PODNL1: variants seen among roughly 807,000 people sequenced by gnomAD.
PODNL1 encodes podocan-like protein 1.
A neutral mutation model predicts 45.1 loss-of-function variants in PODNL1; 50 were observed. That is an observed-to-expected ratio of 1.11 (90% confidence interval 0.88 to 1.40). The LOEUF (loss-of-function observed/expected upper bound fraction) is 1.40. Ranked by LOEUF, PODNL1 falls within the 40% of genes most tolerant of loss-of-function variation. The probability of loss-of-function intolerance (pLI) is 0.00; values close to 1 mark genes in which losing one functional copy is unlikely to be tolerated. For missense variants in PODNL1, 788 were observed against 793.3 expected (o/e 0.99, Z 0.08); for synonymous variants, 406 against 372.5 (o/e 1.09, Z -1.04).
At position 13,934,329 on chromosome 19, in the gene PODNL1, G is replaced by A. The variant is rs1240828725; in HGVS notation, c.576C>T (p.Thr192=). ...TGAGCTGGTTGTTGGAGAGGCTGAG[G>A]GTGGCGATGGCCTCGGAGCCGCGGA... is the stretch of plus-strand genomic sequence containing the variant. The part of the protein sequence containing the change: ...DAFRGSEAIA[T]LSLSNNQLSY... The change falls in exon 6 of 10, where the codon ACC becomes ACT. Residue 192 remains threonine (T), a synonymous_variant. Transcript: ENST00000588872. The A allele has an allele frequency of 4.5e-6, 7 of 1,557,524 alleles. No homozygotes were observed. Among genetic ancestry groups the A allele is most frequent in the Non-Finnish European group, 6.1e-6 (7 of 1,156,114 alleles).
chr19:13,946,686 G>A (rs992142359), intron 1 of PODNL1, among the ~76,000 whole-genome samples: 4 of 152,110 alleles, frequency 2.6e-5, no homozygotes, highest in Admixed American at 2.6e-4. Context: ...AAATGCACCT[G>A]TATAGTTGGG....
chr19:13,933,351 C>T lies in PODNL1; in HGVS notation c.872G>A (p.Arg291His), dbSNP rs763293497. The change falls in exon 8 of 10, where the codon CGC (arginine) becomes CAC (histidine). Residue 291 changes from arginine (R) to histidine (H), a missense_variant. Around this residue, in one of 3 missense-constraint regions of PODNL1, gnomAD observed 762 missense variants for 750.9 expected, o/e 1.01. Transcript: ENST00000588872. The surrounding 1 kb of genome is among the most constrained non-coding windows in gnomAD (Gnocchi z 5.2). ...CCGAGCCGCCTCCACCTGCCGGATGCGGTTGCGGCCCAGGTGCAGGATAGC... is the reference window on the plus strand; with the variant it reads ...CCGAGCCGCCTCCACCTGCCGGATGTGGTTGCGGCCCAGGTGCAGGATAGC... The part of the protein sequence containing the change: ...TLAILHLGRN[R>H]IRQVEAARLH... 5.0e-6 allele frequency: 8 copies of T among 1,606,572 alleles called. No individual in the cohort carries two copies. The highest frequency in any genetic ancestry group is 2.2e-5 in the East Asian group (1 of 44,844).
At chr19:13,951,852 C>T (rs1170921201) in intron 1 of PODNL1, among the ~76,000 whole-genome samples, 1 of 152,190 alleles carries the variant, frequency 6.6e-6, no homozygotes, top group Non-Finnish European at 1.5e-5. Flanking sequence ...TTGCTATGAT[C>T]TGCATAATTG....
chr19:13,938,415 C>A lies in PODNL1; in HGVS notation c.-234G>T. 7.5e-7 allele frequency: 1 copy of A among 1,330,808 alleles called. No homozygotes were observed. The allele number at this position is 1,330,808 out of a possible 1,614,324, so 82.4% of individuals were successfully genotyped here. ...GGATGGGGTGGTGAGGACAGGCCAG[C>A]CCGTCCCCTTGGTCCCCCCCAACAA... On this transcript the variant is annotated 5_prime_UTR_variant, in exon 1 of 10. Transcript: ENST00000588872.
chr19:13,942,299 G>T (rs552745015), upstream of PODNL1, among the ~76,000 whole-genome samples: 15 of 152,200 alleles, frequency 9.9e-5, no homozygotes, highest in Admixed American at 2.6e-4. Flanking sequence ...AACTCTACTT[G>T]CAGGCTTCTG....
At chr19:13,945,148 G>A (rs1433861876) in intron 1 of PODNL1, among the ~76,000 whole-genome samples, 1 of 152,048 alleles carries the variant, frequency 6.6e-6, no homozygotes, top group Non-Finnish European at 1.5e-5. Flanking sequence ...CCAGGCTCAA[G>A]CAATACTCCT....
At chr19:13,950,100 C>T (rs993691124) in intron 1 of PODNL1, among the ~76,000 whole-genome samples, 3 of 151,580 alleles carry the variant, frequency 2.0e-5, no homozygotes, top group Admixed American at 6.6e-5. Flanking sequence ...AGTCTCATGA[C>T]CTTGTGATCT....
chr19:13,947,826 G>A (rs1972872333), intron 1 of PODNL1, among the ~76,000 whole-genome samples: 1 of 152,132 alleles, frequency 6.6e-6, no homozygotes, highest in East Asian at 1.9e-4. Flanking sequence ...CATCGGCTCT[G>A]ACTATGGCCA....
Position 13,938,245 on chromosome 19 carries a change from C to T in PODNL1, c.-64G>A, listed in dbSNP as rs535885760. On this transcript the variant is annotated 5_prime_UTR_variant, in exon 1 of 10. Coordinates refer to ENST00000588872, the MANE Select transcript of PODNL1 (RefSeq NM_001370095.3). ...CCAGGACTTCCTAATGGAAACCAGG[C>T]GGTCACCTCCTGGAGCCTCTGCTGT... 1.1e-5 allele frequency: 18 copies of T among 1,582,872 alleles called. No homozygotes were observed. Among genetic ancestry groups the T allele is most frequent in the Middle Eastern group, 1.7e-4 (1 of 5,966 alleles).
chr19:13,946,305 C>T (rs1231022448), intron 1 of PODNL1, among the ~76,000 whole-genome samples: 3 of 151,564 alleles, frequency 2.0e-5, no homozygotes, highest in African/African-American at 4.8e-5. Context: ...GGTGGGTACC[C>T]GTAATCCCAG....
upstream of PODNL1, among the ~76,000 whole-genome samples, chr19:13,938,957 A>G (rs1034766353): frequency 6.6e-6 from 1 of 152,142 alleles, no homozygotes; most frequent in African/African-American, 2.4e-5. Flanking sequence ...TGTAAGGATT[A>G]TACGAAGTGT....
Position 13,934,293 on chromosome 19 carries a change from C to T in PODNL1, c.612G>A (p.Pro204=), listed in dbSNP as rs771704870. ...GCTCGAGTGAGGGCGGCAGGCTGGG[C>T]GGCAGGTAGCTGAGCTGGTTGTTGG... The part of the protein sequence containing the change: ...SLSNNQLSYL[P]PSLPPSLERL... The change falls in exon 6 of 10, where the codon CCG becomes CCA. Residue 204 remains proline (P), a synonymous_variant. Coordinates refer to ENST00000588872, the MANE Select transcript of PODNL1 (RefSeq NM_001370095.3). The T allele has an allele frequency of 1.5e-5, 23 of 1,534,680 alleles. No individual in the cohort carries two copies. The highest frequency in any genetic ancestry group is 7.7e-5 in the South Asian group (6 of 78,276).
intron 3 of PODNL1, 113 bp downstream of exon 3, chr19:13,936,254 G>A (rs1364935152): frequency 8.6e-7 from 1 of 1,161,970 alleles, no homozygotes; most frequent in Non-Finnish European, 1.3e-6. Flanking sequence ...GCAAAGGGCA[G>A]TTCTGGGAAC....
At position 13,932,889 on chromosome 19, in the gene PODNL1, A is replaced by C; in HGVS notation, c.1334T>G (p.Leu445Arg). 6.2e-7 allele frequency: 1 copy of C among 1,604,842 alleles called. No individual in the cohort carries two copies. Among genetic ancestry groups the C allele is most frequent in the Non-Finnish European group, 8.5e-7 (1 of 1,176,394 alleles). Residue 445 changes from leucine (L) to arginine (R), a missense_variant, in exon 8 of 10, where the codon CTG becomes CGG. Coordinates refer to ENST00000588872, the MANE Select transcript of PODNL1 (RefSeq NM_001370095.3). ...CAGGCTGAGCTCCCGCAGTTGGTCC[A>C]GGCCGGCCAGAGGCTCGGGCTCGAG... is the stretch of plus-strand genomic sequence containing the variant. ...RMLEPEPLAG[L>R]DQLRELSLAH...
intron 2 of PODNL1, 66 bp from the exon 3 acceptor site, chr19:13,936,526 T>G: frequency 7.3e-7 from 1 of 1,365,612 alleles, no homozygotes; most frequent in Non-Finnish European, 1.0e-6. Context: ...AAGCACTGAT[T>G]CTCAACTTCC....
At chr19:13,942,165 C>T (rs573760735), upstream of PODNL1, among the ~76,000 whole-genome samples, 1 of 152,280 alleles carries the variant, frequency 6.6e-6, no homozygotes, top group Admixed American at 6.5e-5. Context: ...AGAACCCAAA[C>T]TGAACTAGCT....
In PODNL1 at chr19:13,935,678, G is replaced by C. The variant is rs374992984; in HGVS notation, c.494+43C>G. 4 of 1,403,818 alleles carry C rather than the reference G, an allele frequency of 2.8e-6. No homozygotes were observed. The African/African-American group carries it at 4.3e-5, about 15-fold the overall frequency. The allele number at this position is 1,403,818 out of a possible 1,614,324, so 87.0% of individuals were successfully genotyped here. On this transcript the variant is annotated intron_variant, in intron 5 of 9. Transcript: ENST00000588872. ...GCTCCTAGAACCGGGGCATGACACA[G>C]ATGTATCTGAGGCCTGGGGGCCTGG...
intron 8 of PODNL1, chr19:13,932,537 G>T: frequency 4.6e-6 from 4 of 868,976 alleles, no homozygotes; most frequent in Non-Finnish European, 5.2e-6. Flanking sequence ...ATGTTTTTTT[G>T]GTAGAGATAG....
At chr19:13,941,704 T>C (rs926711961), upstream of PODNL1, among the ~76,000 whole-genome samples, 1 of 151,982 alleles carries the variant, frequency 6.6e-6, no homozygotes, top group Non-Finnish European at 1.5e-5. Context: ...TCCCAGCTAC[T>C]TGGGAGGCTG....
Sources: allele counts gnomAD v4.1 joint callset (sites outside exome capture counted in the v4.1 genomes callset), GRCh38; gene constraint gnomAD v4.1.1; regional missense constraint gnomAD v4.1.1; non-coding constraint Gnocchi (gnomAD v3.1); transcripts MANE v1.5; gene names NCBI Gene and HGNC (gene_info 2026-07-23, HGNC 2026-07-21).